MYO1G: variants seen among roughly 807,000 people sequenced by gnomAD.
MYO1G encodes myosin IG.
MYO1G carries 65 observed loss-of-function variants against 115.3 expected under a neutral mutation model. That is an observed-to-expected ratio of 0.56 (90% CI 0.46 to 0.69). The LOEUF (loss-of-function observed/expected upper bound fraction) is 0.69. Among genes scored for constraint, MYO1G ranks in the 30% least tolerant of loss-of-function variants. MYO1G has a pLI of 0.00. For synonymous variants in MYO1G, 510 were observed against 552.6 expected, an observed-to-expected ratio of 0.92 and a Z score of 1.08; for missense variants, 1,204 against 1,393.5, an observed-to-expected ratio of 0.86 and a Z score of 2.16.
chr7:44,963,316 G>T lies in MYO1G; in HGVS notation c.2746-192C>A. 1.7e-6 allele frequency: 1 copy of T among 594,296 alleles called. No homozygotes were observed. Among genetic ancestry groups the T allele is most frequent in the Non-Finnish European group, 2.8e-6 (1 of 357,052 alleles). The allele number at this position is 594,296 out of a possible 1,614,324, so 36.8% of individuals were successfully genotyped here. A position where few individuals can be genotyped will look rare whatever the true frequency, so the allele number is the denominator to read the frequency against. On this transcript the variant is annotated intron_variant, in intron 20 of 21. Transcript: ENST00000258787. This position sits in a 1 kb window ranked among gnomAD's most constrained non-coding sequence, Gnocchi z 4.1. ...CCTGCTGACAGGGGGAAGCTTGGGC[G>T]GGACGCTGCACAATACGATTTTCTC...
rs1794788101 is a variant in MYO1G, at chr7:44,963,638, T to C, written c.2745+411A>G. On this transcript the variant is annotated intron_variant, in intron 20 of 21. Transcript: ENST00000258787. This position sits in a 1 kb window ranked among gnomAD's most constrained non-coding sequence, Gnocchi z 4.1. ...GAGAATTTATGGGAACAGCAGCTGC[T>C]AATGAAGGGAGCAAGTAGGCCACAG... 9.6e-6 allele frequency: 2 copies of C among 209,162 alleles called. No homozygotes were observed. The highest frequency in any genetic ancestry group is 1.1e-4 in the Admixed American group (2 of 18,932). 13.0% of individuals were successfully genotyped at this position (209,162 alleles called of 1,614,324 possible).
rs764191984 is a variant in MYO1G at position 44,969,705 on chromosome 7, C to T, written c.1503G>A (p.Gln501=). 6.2e-7 allele frequency: 1 copy of T among 1,611,094 alleles called. No individual in the cohort carries two copies. The highest frequency in any genetic ancestry group is 1.1e-5 in the South Asian group (1 of 90,990). ...HRHHLHYTSR[Q]LCPTDKTMEF... ...GTGGCACTGGGACAGCCGGGGGCAC[C>T]TGGCGGCTGGTGTAGTGTAGGTGAT... Residue 501 remains glutamine, a splice_region_variant and synonymous_variant, in exon 11 of 22, where the codon CAG becomes CAA. Coordinates refer to ENST00000258787, the MANE Select transcript of MYO1G (RefSeq NM_033054.3). This position sits in a 1 kb window ranked among gnomAD's most constrained non-coding sequence, Gnocchi z 5.0.
chr7:44,964,096 C>A lies in MYO1G; in HGVS notation c.2698G>T (p.Asp900Tyr). Residue 900 changes from aspartate (D) to tyrosine (Y), a missense_variant, in exon 20 of 22, where the codon GAC becomes TAC. By Grantham distance (160) the Asp-to-Tyr change is radical. Transcript: ENST00000258787. This position sits in a 1 kb window ranked among gnomAD's most constrained non-coding sequence, Gnocchi z 5.1. ...ATCACCCGGTACTGCCGGTCAGGGT[C>A]CAGCTTGTAGAGGTGCTGGTCTGTG... ...LLTDQHLYKLDPDRQYRVMRA... is the reference protein window; with the variant it reads ...LLTDQHLYKLYPDRQYRVMRA... 1 of 1,607,020 alleles carries A rather than the reference C, an allele frequency of 6.2e-7. No homozygotes were observed. The highest frequency in any genetic ancestry group is 1.7e-5 in the Admixed American group (1 of 59,070).
intron 7 of MYO1G, among the ~76,000 whole-genome samples, chr7:44,971,312 C>T (rs539673340): frequency 5.3e-5 from 8 of 152,184 alleles, no homozygotes; most frequent in Non-Finnish European, 7.3e-5. Context: ...ATGACCCCAT[C>T]GCATCCTCCC....
At position 44,969,028 on chromosome 7, in the gene MYO1G, C is replaced by G. The variant is rs1322791338; in HGVS notation, c.1574+385G>C. 4.3e-6 allele frequency: 1 copy of G among 232,084 alleles called. No homozygotes were observed. Among genetic ancestry groups the G allele is most frequent in the African/African-American group, 2.2e-5 (1 of 44,666 alleles). 14.4% of individuals were successfully genotyped at this position (232,084 alleles called of 1,614,324 possible). A position where few individuals can be genotyped will look rare whatever the true frequency, so the allele number is the denominator to read the frequency against. ...TGGGAGCGTGGTCCAAGTATGGTAG[C>G]GAGGCCTCACCTGGGAGCTTGTTAG... On this transcript the variant is annotated intron_variant, in intron 12 of 21. Transcript: ENST00000258787. The surrounding 1 kb of genome is among the most constrained non-coding windows in gnomAD (Gnocchi z 5.0).
rs1287875226 is a variant in MYO1G at position 44,966,204 on chromosome 7, C to A, written c.2026G>T (p.Glu676Ter). 4 of 1,612,484 alleles carry A rather than the reference C, an allele frequency of 2.5e-6. No individual in the cohort carries two copies. The highest frequency in any genetic ancestry group is 3.4e-6 in the Non-Finnish European group (4 of 1,179,874). Residue 676 changes from glutamate to a stop codon, truncating the protein, a stop_gained, in exon 16 of 22, where the codon GAG (glutamate) becomes TAG (stop). Coordinates refer to ENST00000258787, the MANE Select transcript of MYO1G (RefSeq NM_033054.3). LOFTEE classifies it high-confidence loss of function. This position sits in a 1 kb window ranked among gnomAD's most constrained non-coding sequence, Gnocchi z 5.0. ...ACGTCCCCCTGCAGCCCGTGCTGCT[C>A]CAGGAGAGCGCTCACGGCTGCCTTG... is the stretch of plus-strand genomic sequence containing the variant. ...SDKAAVSALL[E>*]QHGLQGDVAF... is the part of the protein sequence containing the mutation.
Position 44,965,004 on chromosome 7 carries a change from G to T in MYO1G, c.2467C>A (p.Gln823Lys). ...KAKVAAMGAL[Q>K]GLRQDWGCRR... ...CAGCCCCAGTCCTGACGAAGCCCTT[G>T]CAGGGCCCCCATGGCGGCCACCTTG... Residue 823 changes from glutamine (Q) to lysine (K), a missense_variant, in exon 18 of 22, where the codon CAA (glutamine) becomes AAA (lysine). Coordinates refer to ENST00000258787, the MANE Select transcript of MYO1G (RefSeq NM_033054.3). The T allele has an allele frequency of 6.2e-7, 1 of 1,610,572 alleles. No individual in the cohort carries two copies. Among genetic ancestry groups the T allele is most frequent in the Non-Finnish European group, 8.5e-7 (1 of 1,177,848 alleles).
chr7:44,975,053 G>T, intron 5 of MYO1G, 121 bp downstream of exon 5: 2 of 997,430 alleles, frequency 2.0e-6, no homozygotes, highest in Non-Finnish European at 1.6e-6. Context: ...TGGGCTAGGT[G>T]GGGTTGAGTG....
rs551508478 is a variant in MYO1G at position 44,975,038 on chromosome 7, G to A, written c.618+136C>T. ...TGGGGTGAGTGTGGTGGGGAGTGAGGACGATGGGCTAGGTGGGGTTGAGTG... is the reference window on the plus strand; with the variant it reads ...TGGGGTGAGTGTGGTGGGGAGTGAGAACGATGGGCTAGGTGGGGTTGAGTG... On this transcript the variant is annotated intron_variant, in intron 5 of 21. Transcript: ENST00000258787. 3.4e-6 allele frequency: 3 copies of A among 875,698 alleles called. No homozygotes were observed. The African/African-American group carries it at 4.9e-5, about 14-fold the overall frequency. 54.2% of individuals were successfully genotyped at this position (875,698 alleles called of 1,614,324 possible). A position where few individuals can be genotyped will look rare whatever the true frequency, so the allele number is the denominator to read the frequency against.
rs943611756 is a variant in MYO1G at position 44,962,663 on chromosome 7, G to T, written c.*76C>A. 7 of 1,394,612 alleles carry T rather than the reference G, an allele frequency of 5.0e-6. No individual in the cohort carries two copies. Among genetic ancestry groups the T allele is most frequent in the Non-Finnish European group, 6.5e-6 (7 of 1,078,748 alleles). The allele number at this position is 1,394,612 out of a possible 1,614,324, so 86.4% of individuals were successfully genotyped here. A position where few individuals can be genotyped will look rare whatever the true frequency, so the allele number is the denominator to read the frequency against. On this transcript the variant is annotated 3_prime_UTR_variant, in exon 22 of 22. Coordinates refer to ENST00000258787, the MANE Select transcript of MYO1G (RefSeq NM_033054.3). This position sits in a 1 kb window ranked among gnomAD's most constrained non-coding sequence, Gnocchi z 5.3. ...TGAGGCGGGAGCGGCGAGCAGGAGG[G>T]CTGACTCAGAAGGTTTATTTGCAGC...
At position 44,964,056 on chromosome 7, in the gene MYO1G, A is replaced by AG. The variant is rs1308858885; in HGVS notation, c.2737dup (p.Leu913ProfsTer2). On this transcript the variant is annotated frameshift_variant, in exon 20 of 22. Transcript: ENST00000258787. LOFTEE classifies it high-confidence loss of function. This position sits in a 1 kb window ranked among gnomAD's most constrained non-coding sequence, Gnocchi z 5.1. ...CCCACCCACATTGCTCACCGCCTCA[A>AG]GGGGCACGGCCCGCATCACCCGGTA... 5 of 1,590,348 alleles carry AG rather than the reference A, an allele frequency of 3.1e-6. No homozygotes were observed. Among genetic ancestry groups the AG allele is most frequent in the Non-Finnish European group, 3.4e-6 (4 of 1,168,310 alleles).
At position 44,969,583 on chromosome 7, in the gene MYO1G, C is replaced by A; in HGVS notation, c.1504-100G>T. The A allele has an allele frequency of 6.4e-7, 1 of 1,571,360 alleles. No individual in the cohort carries two copies. Among genetic ancestry groups the A allele is most frequent in the Non-Finnish European group, 8.7e-7 (1 of 1,144,154 alleles). ...ACCTCCAGGGCAGAGAAGGTTGCCA[C>A]AGTGACGACAATGGCACCAAAGCTG... On this transcript the variant is annotated intron_variant, in intron 11 of 21. Coordinates refer to ENST00000258787, the MANE Select transcript of MYO1G (RefSeq NM_033054.3). The surrounding 1 kb of genome is among the most constrained non-coding windows in gnomAD (Gnocchi z 5.0).
At chr7:44,970,223 T>TC in intron 9 of MYO1G, 69 bp from the exon 10 acceptor site, 3 of 1,065,116 alleles carry the variant, frequency 2.8e-6, no homozygotes, top group Non-Finnish European at 4.3e-6. Context: ...GGGTGGCTGC[T>TC]CCCCTGAACA....
rs1420260451 is a variant in MYO1G, at chr7:44,966,182, TC to T, written c.2047del (p.Asp683ThrfsTer51). On this transcript the variant is annotated frameshift_variant, in exon 16 of 22. Transcript: ENST00000258787. LOFTEE classifies it high-confidence loss of function. The surrounding 1 kb of genome is among the most constrained non-coding windows in gnomAD (Gnocchi z 5.0). The part of the protein sequence containing the change: ...ALLEQHGLQG[D>X]VAFGHSKLFI... Reference sequence around the variant, plus strand: ...CAGCTTGCTGTGGCCAAAGGCCACGTCCCCCTGCAGCCCGTGCTGCTCCAGG... The same window carrying T: ...CAGCTTGCTGTGGCCAAAGGCCACGTCCCCTGCAGCCCGTGCTGCTCCAGG... The T allele has an allele frequency of 6.2e-7, 1 of 1,612,662 alleles. No individual in the cohort carries two copies. The highest frequency in any genetic ancestry group is 1.7e-5 in the Admixed American group (1 of 59,996).
intron 5 of MYO1G, chr7:44,973,311 C>T (rs1261642769): frequency 4.6e-5 from 7 of 152,126 alleles, no homozygotes; most frequent in African/African-American, 1.7e-4. Flanking sequence ...CCAGTGAGCT[C>T]CACTTTGGTG....
At chr7:44,976,493 C>G (rs1256576583) in intron 3 of MYO1G, 71 bp downstream of exon 3, 1 of 1,457,856 alleles carries the variant, frequency 6.9e-7, no homozygotes, top group African/African-American at 1.4e-5. Context: ...CTCCCCAGAG[C>G]CAGCCCTTCC....
chr7:44,970,544 A>C (rs1247258056), intron 9 of MYO1G, 48 bp downstream of exon 9: 3 of 1,609,804 alleles, frequency 1.9e-6, no homozygotes, highest in Non-Finnish European at 2.5e-6. Context: ...CTAAGTGGGC[A>C]AAGCTGCTGG....
In MYO1G at chr7:44,963,410, C is replaced by T; in HGVS notation, c.2746-286G>A. 2.3e-6 allele frequency: 1 copy of T among 431,248 alleles called. No individual in the cohort carries two copies. Among genetic ancestry groups the T allele is most frequent in the Non-Finnish European group, 4.1e-6 (1 of 245,150 alleles). The allele number at this position is 431,248 out of a possible 1,614,324, so 26.7% of individuals were successfully genotyped here. ...ACTGCTCACCTGTGGATGCTAAGCCCTTGCATGTGCTACTGCCTGGAGGAG... is the reference window on the plus strand; with the variant it reads ...ACTGCTCACCTGTGGATGCTAAGCCTTTGCATGTGCTACTGCCTGGAGGAG... On this transcript the variant is annotated intron_variant, in intron 20 of 21. Transcript: ENST00000258787. This position sits in a 1 kb window ranked among gnomAD's most constrained non-coding sequence, Gnocchi z 4.1.
chr7:44,970,050 GTGATGCCC>G lies in MYO1G; in HGVS notation c.1314_1321del (p.Glu438AspfsTer6), dbSNP rs1435551088. The G allele has an allele frequency of 6.2e-7, 1 of 1,613,838 alleles. No homozygotes were observed. The highest frequency in any genetic ancestry group is 8.5e-7 in the Non-Finnish European group (1 of 1,179,846). On this transcript the variant is annotated frameshift_variant, in exon 10 of 22. Transcript: ENST00000258787. LOFTEE classifies it high-confidence loss of function. The stretch of plus-strand genomic sequence containing the variant: ...GGCCACAGTGCTCACGCTCTGCCAG[GTGATGCCC>G]TCGCGCTCGTACTCTTCCTGTTCCT...
Sources: gnomAD v4.1 joint callset for allele counts (sites outside exome capture counted in the v4.1 genomes callset) on GRCh38, gnomAD v4.1.1 for gene constraint, Gnocchi (gnomAD v3.1) non-coding constraint, MANE v1.5 for transcripts, NCBI Gene and HGNC (gene_info 2026-07-23, HGNC 2026-07-21) for gene names.